Variants in SMAD3 observed in about 807,000 individuals in gnomAD.
SMAD3 encodes the protein MAD homolog 3.
SMAD3 carries 12 observed loss-of-function variants against 51.8 expected under a neutral mutation model. That is an observed-to-expected ratio of 0.23 (90% CI 0.15 to 0.38). The LOEUF (loss-of-function observed/expected upper bound fraction) is 0.38, where lower values mean the gene tolerates loss of function less well. Ranked by LOEUF, SMAD3 falls within the 10% of genes least tolerant of loss-of-function variation. The probability of loss-of-function intolerance (pLI) is 1.00; values close to 1 mark genes in which losing one functional copy is unlikely to be tolerated. For missense variants in SMAD3, 294 were observed against 565.6 expected, an observed-to-expected ratio of 0.52 and a Z score of 4.87; for synonymous variants, 238 against 227.7, an observed-to-expected ratio of 1.05 and a Z score of -0.41.
Position 67,190,892 on chromosome 15 carries a change from A to G in SMAD3, c.*356A>G. 1 of 404,522 alleles carries G rather than the reference A, an allele frequency of 2.5e-6. No individual in the cohort carries two copies. Among genetic ancestry groups the G allele is most frequent in the Non-Finnish European group, 4.6e-6 (1 of 216,434 alleles). 25.1% of individuals were successfully genotyped at this position (404,522 alleles called of 1,614,324 possible). ...CTGGGATGTCACAGTCCAACCAGAA[A>G]CACCCCTCTGTCTAGGACTGCAGTG... On this transcript the variant is annotated 3_prime_UTR_variant, in exon 9 of 9. Coordinates refer to ENST00000327367, the MANE Select transcript of SMAD3 (RefSeq NM_005902.4).
At chr15:67,169,964 G>C (rs1962700552) in intron 4 of SMAD3, among the ~76,000 whole-genome samples, 1 of 152,206 alleles carries the variant, frequency 6.6e-6, no homozygotes. Context: ...TTTGCATAAA[G>C]TGTTTGTCTG....
intron 1 of SMAD3, among the ~76,000 whole-genome samples, chr15:67,069,278 C>T (rs1040347142): frequency 6.6e-6 from 1 of 152,222 alleles, no homozygotes; most frequent in Non-Finnish European, 1.5e-5. Flanking sequence ...TTAGATACAC[C>T]AACAAAGGGG....
intron 1 of SMAD3, among the ~76,000 whole-genome samples, chr15:67,156,996 A>G (rs940184589): frequency 6.6e-6 from 1 of 152,232 alleles, no homozygotes; most frequent in Non-Finnish European, 1.5e-5. Context: ...AGAGCCACAG[A>G]GCAAAAAGTG....
chr15:67,116,606 T>C (rs1961140746), intron 1 of SMAD3, among the ~76,000 whole-genome samples: 1 of 152,158 alleles, frequency 6.6e-6, no homozygotes, highest in Non-Finnish European at 1.5e-5. Flanking sequence ...GGTTCTGCAA[T>C]TAGTCTTGAC....
At chr15:67,075,788 G>A (rs765368815) in intron 1 of SMAD3, among the ~76,000 whole-genome samples, 2 of 152,024 alleles carry the variant, frequency 1.3e-5, no homozygotes, top group South Asian at 2.1e-4. Flanking sequence ...GGTAGCGGGC[G>A]CCTGTAATTT....
At chr15:67,121,086 T>C (rs1961249625) in intron 1 of SMAD3, among the ~76,000 whole-genome samples, 1 of 152,196 alleles carries the variant, frequency 6.6e-6, no homozygotes, top group South Asian at 2.1e-4. Context: ...TGTAACATAA[T>C]AATATGTAAG....
Position 67,066,353 on chromosome 15 carries a change from A to G in SMAD3, c.199A>G (p.Ile67Val), listed in dbSNP as rs762200897. Reference protein sequence around the residue: ...TQNVNTKCITIPRSLDGRLQV... With the variant: ...TQNVNTKCITVPRSLDGRLQV... ...GAACGTCAACACCAAGTGCATCACC[A>G]TCCCCAGGTGGGGGCCCGCCCGGGG... Residue 67 changes from isoleucine to valine, a missense_variant, in exon 1 of 9, where the codon ATC becomes GTC. This residue lies in a region of SMAD3 where 147 missense variants were observed against 260.9 expected (regional missense o/e 0.56). Coordinates refer to ENST00000327367, the MANE Select transcript of SMAD3 (RefSeq NM_005902.4). 6.2e-7 allele frequency: 1 copy of G among 1,611,656 alleles called. No individual in the cohort carries two copies. Among genetic ancestry groups the G allele is most frequent in the East Asian group, 2.2e-5 (1 of 44,678 alleles).
intron 1 of SMAD3, among the ~76,000 whole-genome samples, chr15:67,083,302 C>A (rs771860053): frequency 3.3e-5 from 5 of 152,214 alleles, no homozygotes; most frequent in Non-Finnish European, 5.9e-5. Context: ...GGCTGTGGAC[C>A]AGTGGTCTCA....
chr15:67,184,098 T>TC (rs1322648657), intron 6 of SMAD3, among the ~76,000 whole-genome samples: 3 of 149,196 alleles, frequency 2.0e-5, no homozygotes, highest in Admixed American at 6.7e-5. Flanking sequence ...TTATCATCAT[T>TC]CCCTTTTTTT....
intron 1 of SMAD3, chr15:67,142,915 C>G (rs1246346660): frequency 2.3e-6 from 1 of 440,306 alleles, no homozygotes; most frequent in Non-Finnish European, 4.6e-6. Flanking sequence ...TACCCGTCGG[C>G]TCACTCCTGG....
chr15:67,150,842 TCAG>T (rs1485753594), intron 1 of SMAD3, among the ~76,000 whole-genome samples: 1 of 99,180 alleles, frequency 1.0e-5, no homozygotes, highest in Non-Finnish European at 2.0e-5. Flanking sequence ...AAGCTATTTC[TCAG>T]TCTTTTTTTT....
rs1304830502 is a variant in SMAD3, at chr15:67,156,775, T to C, written c.207-8120T>C. Among the ~76,000 whole-genome samples, 3 of 95,558 alleles carry C rather than the reference T, an allele frequency of 3.1e-5. No individual in the cohort carries two copies. In the Admixed American group the frequency reaches 5.1e-4, roughly 16 times the overall value. The allele number at this position is 95,558 out of a possible 152,430, so 62.7% of individuals were successfully genotyped here. A position where few individuals can be genotyped will look rare whatever the true frequency, so the allele number is the denominator to read the frequency against. On this transcript the variant is annotated intron_variant, in intron 1 of 8. Coordinates refer to ENST00000327367, the MANE Select transcript of SMAD3 (RefSeq NM_005902.4). ...GGTCTGCTCCACATGTTTTCATTTC[T>C]GGGCCCAGCCTATGGGGCAGTAGCT... is the stretch of plus-strand genomic sequence containing the variant.
At chr15:67,141,076 T>G (rs1341997675) in intron 1 of SMAD3, among the ~76,000 whole-genome samples, 1 of 152,168 alleles carries the variant, frequency 6.6e-6, no homozygotes, top group East Asian at 1.9e-4. Context: ...GCTGCCTGTT[T>G]TTGACCTCCA....
chr15:67,072,139 T>G (rs1055369578), intron 1 of SMAD3, among the ~76,000 whole-genome samples: 1 of 152,210 alleles, frequency 6.6e-6, no homozygotes, highest in African/African-American at 2.4e-5. Context: ...CTAAATGAGT[T>G]AAAAAATAAA....
intron 1 of SMAD3, among the ~76,000 whole-genome samples, chr15:67,077,829 G>A (rs1960203275): frequency 6.6e-6 from 1 of 152,192 alleles, no homozygotes; most frequent in Non-Finnish European, 1.5e-5. Context: ...TGTGGATGAG[G>A]GAGTGGCCAG....
Position 67,192,340 on chromosome 15 carries a change from TTG to T in SMAD3, c.*1809_*1810del, listed in dbSNP as rs2140330946. The T allele has an allele frequency of 4.3e-6, 1 of 233,086 alleles. No individual in the cohort carries two copies. Among genetic ancestry groups the T allele is most frequent in the Admixed American group, 5.6e-5 (1 of 17,786 alleles). The allele number at this position is 233,086 out of a possible 1,614,324, so 14.4% of individuals were successfully genotyped here. ...AGACGGAAGGAGCACCTTGACAGAC[TTG>T]TGTGAGTCTTCTCGAAGGAGGGTTG... is the stretch of plus-strand genomic sequence containing the variant. On this transcript the variant is annotated 3_prime_UTR_variant, in exon 9 of 9. Transcript: ENST00000327367.
rs78323243 is a variant in SMAD3 at position 67,154,395 on chromosome 15, A to G, written c.207-10500A>G. On this transcript the variant is annotated intron_variant, in intron 1 of 8. Transcript: ENST00000327367. ...TCCTGTTTTCAGCTCTTCATGTCCA[A>G]TCTAAACTGGAACATTCAAAAACAT... Among the ~76,000 whole-genome samples the G allele has an allele frequency of 9.2e-3, 1,406 of 152,328 alleles. 20 individuals are homozygous for G. Among genetic ancestry groups the G allele is most frequent in the African/African-American group, 0.032 (1,337 of 41,558 alleles).
chr15:67,125,894 C>T (rs748249910), intron 1 of SMAD3: 5 of 985,222 alleles, frequency 5.1e-6, no homozygotes, highest in African/African-American at 1.7e-5. Flanking sequence ...GAACCCCACA[C>T]GCTGGGTTCC....
At chr15:67,127,327 C>G (rs1961414420) in intron 1 of SMAD3, among the ~76,000 whole-genome samples, 1 of 152,206 alleles carries the variant, frequency 6.6e-6, no homozygotes, top group Non-Finnish European at 1.5e-5. Flanking sequence ...AACCAAGAGG[C>G]TGACAGGTTA....
Sources: allele counts gnomAD v4.1 joint callset (sites outside exome capture counted in the v4.1 genomes callset), GRCh38; gene constraint gnomAD v4.1.1; regional missense constraint gnomAD v4.1.1; transcripts MANE v1.5; gene names NCBI Gene and HGNC (gene_info 2026-07-23, HGNC 2026-07-21).